Variants in SH3BGRL2 observed in about 807,000 individuals in gnomAD.
The protein encoded by SH3BGRL2 is SH3 domain binding glutamate rich protein like 2.
In SH3BGRL2, 21 loss-of-function variants were observed where a neutral mutation model predicts 14.8. That is an observed-to-expected ratio of 1.42 (90% CI 1.01 to 2.05). SH3BGRL2 has a LOEUF of 2.05. Among genes scored for constraint, SH3BGRL2 ranks in the 30% most tolerant of loss-of-function variants. The pLI is 0.00. For missense variants in SH3BGRL2, 147 were observed against 130.8 expected, an observed-to-expected ratio of 1.12 and a Z score of -0.61; for synonymous variants, 50 against 47.8, an observed-to-expected ratio of 1.05 and a Z score of -0.19.
the SH3BGRL2 span, among the ~76,000 whole-genome samples, chr6:79,587,230 T>C: frequency 2.6e-5 from 4 of 152,204 alleles, no homozygotes; most frequent in South Asian, 4.1e-4. Context: ...ACTTGGAGAA[T>C]TTTTAGTATA....
At chr6:79,577,780 G>T in the SH3BGRL2 span, among the ~76,000 whole-genome samples, 3 of 152,316 alleles carry the variant, frequency 2.0e-5, no homozygotes, top group African/African-American at 4.8e-5. Flanking sequence ...TTGGACAGTG[G>T]GTGTAGCCCA....
At chr6:79,655,078 G>A (rs865915969) in intron 1 of SH3BGRL2, among the ~76,000 whole-genome samples, 3 of 152,016 alleles carry the variant, frequency 2.0e-5, no homozygotes, top group Non-Finnish European at 2.9e-5. Flanking sequence ...TGGGGGGGTC[G>A]GAGATGTGGT....
At chr6:79,562,887 A>G in the SH3BGRL2 span, among the ~76,000 whole-genome samples, 12 of 152,090 alleles carry the variant, frequency 7.9e-5, no homozygotes, top group South Asian at 4.1e-4. Context: ...GCTGCATTCA[A>G]AGCCATCCTG....
At chr6:79,571,063 A>G in the SH3BGRL2 span, among the ~76,000 whole-genome samples, 1 of 152,226 alleles carries the variant, frequency 6.6e-6, no homozygotes, top group Non-Finnish European at 1.5e-5. Context: ...TTTCTCCAGC[A>G]TAGGAAACAG....
the SH3BGRL2 span, among the ~76,000 whole-genome samples, chr6:79,607,241 C>A: frequency 6.6e-6 from 1 of 152,156 alleles, no homozygotes; most frequent in East Asian, 1.9e-4. Context: ...AGCTTCAAAA[C>A]CACAGCCTTG....
chr6:79,580,018 C>G, the SH3BGRL2 span, among the ~76,000 whole-genome samples: 1 of 152,134 alleles, frequency 6.6e-6, no homozygotes, highest in East Asian at 1.9e-4. Flanking sequence ...ATAAAACAGA[C>G]TTTAAACCAA....
chr6:79,631,638 T>G, intron 1 of SH3BGRL2, 132 bp downstream of exon 1: 2 of 357,772 alleles, frequency 5.6e-6, no homozygotes, highest in Non-Finnish European at 8.6e-6. Context: ...CGGCAGGTGA[T>G]CCATCACACT....
At chr6:79,543,855 CTTA>C in the SH3BGRL2 span, among the ~76,000 whole-genome samples, 1 of 151,958 alleles carries the variant, frequency 6.6e-6, no homozygotes, top group African/African-American at 2.4e-5. Flanking sequence ...AAGTTGTCTT[CTTA>C]TGTTATTTTT....
chr6:79,619,783 G>A, the SH3BGRL2 span, among the ~76,000 whole-genome samples: 36 of 152,290 alleles, frequency 2.4e-4, 1 homozygote, highest in African/African-American at 8.4e-4. Flanking sequence ...CTTGGTTTTA[G>A]CTTCTGCATC....
At chr6:79,546,344 C>G in the SH3BGRL2 span, among the ~76,000 whole-genome samples, 11 of 152,136 alleles carry the variant, frequency 7.2e-5, no homozygotes, top group Admixed American at 5.9e-4. Context: ...CCTGCTGCCT[C>G]AGAATCGTGG....
chr6:79,559,307 AT>A, the SH3BGRL2 span, among the ~76,000 whole-genome samples: 4 of 151,284 alleles, frequency 2.6e-5, no homozygotes, highest in South Asian at 2.1e-4. Flanking sequence ...GTCTCTGCAA[AT>A]TTTTTTTTGT....
intron 1 of SH3BGRL2, among the ~76,000 whole-genome samples, chr6:79,642,314 A>G (rs900100536): frequency 4.6e-5 from 7 of 152,218 alleles, no homozygotes; most frequent in African/African-American, 1.7e-4. Flanking sequence ...AAATTATACC[A>G]TGTTTTACAT....
At chr6:79,571,831 G>A in the SH3BGRL2 span, among the ~76,000 whole-genome samples, 2 of 152,058 alleles carry the variant, frequency 1.3e-5, no homozygotes, top group Non-Finnish European at 2.9e-5. Context: ...TGTGTGTTCT[G>A]CAATTTCTTA....
intron 1 of SH3BGRL2, among the ~76,000 whole-genome samples, chr6:79,631,971 C>T (rs923808425): frequency 2.6e-5 from 4 of 152,180 alleles, no homozygotes; most frequent in Non-Finnish European, 4.4e-5. Context: ...GCTCTCTGTC[C>T]TCCCTTCCCC....
chr6:79,678,898 C>T (rs972054507), intron 2 of SH3BGRL2, among the ~76,000 whole-genome samples: 1 of 152,152 alleles, frequency 6.6e-6, no homozygotes, highest in African/African-American at 2.4e-5. Context: ...TGTTAATTTG[C>T]TTAGGATTAC....
chr6:79,566,647 A>T, the SH3BGRL2 span, among the ~76,000 whole-genome samples: 1 of 152,190 alleles, frequency 6.6e-6, no homozygotes, highest in South Asian at 2.1e-4. Flanking sequence ...TTTCCATAAT[A>T]TCTAGAACAG....
intron 1 of SH3BGRL2, among the ~76,000 whole-genome samples, chr6:79,643,797 G>A (rs1326995878): frequency 1.3e-5 from 2 of 152,226 alleles, no homozygotes; most frequent in Non-Finnish European, 2.9e-5. Context: ...CCCAGAGGAA[G>A]ACTTCAGAAG....
At chr6:79,641,798 A>G (rs1244383976) in intron 1 of SH3BGRL2, among the ~76,000 whole-genome samples, 1 of 152,212 alleles carries the variant, frequency 6.6e-6, no homozygotes, top group Non-Finnish European at 1.5e-5. Context: ...AAGTTCCTTA[A>G]CAGTCCAAAA....
the SH3BGRL2 span, among the ~76,000 whole-genome samples, chr6:79,552,097 CAA>C: frequency 6.6e-6 from 1 of 151,792 alleles, no homozygotes; most frequent in Non-Finnish European, 1.5e-5. Flanking sequence ...CTCAAAAAAA[CAA>C]AAGTATTTTC....
Sources: gnomAD v4.1 joint callset for allele counts (sites outside exome capture counted in the v4.1 genomes callset) on GRCh38, gnomAD v4.1.1 for gene constraint, MANE v1.5 for transcripts, NCBI Gene and HGNC (gene_info 2026-07-23, HGNC 2026-07-21) for gene names.